SAMMSON: variants seen among roughly 807,000 people sequenced by gnomAD.
The protein encoded by SAMMSON is long intergenic non-protein coding RNA 1212.
chr3:70,118,998 C>T (rs2067422366), intron 4 of SAMMSON, among the ~76,000 whole-genome samples: 1 of 152,126 alleles, frequency 6.6e-6, no homozygotes, highest in Non-Finnish European at 1.5e-5. Context: ...TCTGTGCACT[C>T]TTTCCTAGAT....
intron 9 of SAMMSON, among the ~76,000 whole-genome samples, chr3:70,382,628 T>C (rs542948298): frequency 2.7e-5 from 4 of 146,230 alleles, no homozygotes; most frequent in African/African-American, 1.0e-4. Flanking sequence ...TTCAAGCAGA[T>C]AGCAATTCTG....
chr3:70,352,908 A>G (rs1575631959), intron 7 of SAMMSON, among the ~76,000 whole-genome samples: 1 of 152,102 alleles, frequency 6.6e-6, no homozygotes, highest in Non-Finnish European at 1.5e-5. Context: ...ACAGAATAGA[A>G]ACCAAAAATA....
chr3:70,387,060 GA>G (rs1019938684), intron 9 of SAMMSON, among the ~76,000 whole-genome samples: 3 of 151,564 alleles, frequency 2.0e-5, no homozygotes, highest in Non-Finnish European at 4.4e-5. Context: ...AGATTTTCTG[GA>G]AACAAGTAGG....
intron 4 of SAMMSON, among the ~76,000 whole-genome samples, chr3:70,129,786 T>C (rs7340571): frequency 6.4e-4 from 97 of 152,326 alleles, no homozygotes; most frequent in African/African-American, 2.2e-3. Context: ...AAATATGATA[T>C]GGACACTGTT....
chr3:70,126,185 T>C (rs77222740), intron 4 of SAMMSON: 1 of 1,140,832 alleles, frequency 8.8e-7, no homozygotes, highest in Non-Finnish European at 1.3e-6. Context: ...TGGTTTGGTG[T>C]AATTACATTT....
chr3:70,057,507 G>A (rs1479914954), intron 3 of SAMMSON, among the ~76,000 whole-genome samples: 2 of 151,964 alleles, frequency 1.3e-5, no homozygotes, highest in Non-Finnish European at 2.9e-5. Context: ...AACAGCATTA[G>A]AATCTTTTGA....
At chr3:70,264,897 G>A (rs545066439) in intron 6 of SAMMSON, among the ~76,000 whole-genome samples, 1 of 152,126 alleles carries the variant, frequency 6.6e-6, no homozygotes, top group Non-Finnish European at 1.5e-5. Context: ...CAGGAAAGAC[G>A]ATTAATTGAC....
chr3:70,247,972 A>T (rs143638094), intron 4 of SAMMSON, among the ~76,000 whole-genome samples: 5 of 152,126 alleles, frequency 3.3e-5, no homozygotes, highest in Admixed American at 3.3e-4. Context: ...GTAGAATTTA[A>T]TGCTACAATG....
At chr3:70,191,211 T>C (rs373269024) in intron 4 of SAMMSON, among the ~76,000 whole-genome samples, 1 of 152,326 alleles carries the variant, frequency 6.6e-6, no homozygotes, top group East Asian at 1.9e-4. Flanking sequence ...ACAAAATAAG[T>C]TGTGGCTTTG....
intron 2 of SAMMSON, among the ~76,000 whole-genome samples, chr3:70,407,855 T>C (rs962932491): frequency 6.6e-6 from 1 of 152,216 alleles, no homozygotes; most frequent in African/African-American, 2.4e-5. Context: ...ACCCCACATT[T>C]CCCTTCTGCA....
At chr3:70,291,909 C>T (rs1303740036) in intron 7 of SAMMSON, 2 of 152,196 alleles carry the variant, frequency 1.3e-5, no homozygotes, top group South Asian at 2.1e-4. Context: ...TTATCTTTCG[C>T]CTCTTACTTA....
chr3:70,343,843 A>G (rs1702730026), intron 7 of SAMMSON, among the ~76,000 whole-genome samples: 1 of 151,116 alleles, frequency 6.6e-6, no homozygotes, highest in Non-Finnish European at 1.5e-5. Flanking sequence ...ATATTTATGT[A>G]TTCATTTATT....
chr3:70,311,762 G>GA (rs1702455545), intron 7 of SAMMSON: 1 of 384,500 alleles, frequency 2.6e-6, no homozygotes, highest in Non-Finnish European at 4.6e-6. Flanking sequence ...AGAAAAGAGT[G>GA]AAAATCAGAA....
chr3:70,279,609 CA>C (rs1383347167), intron 6 of SAMMSON, among the ~76,000 whole-genome samples: 1 of 152,144 alleles, frequency 6.6e-6, no homozygotes. Context: ...GTTGAAGGCT[CA>C]GATTTGCGTT....
intron 1 of SAMMSON, among the ~76,000 whole-genome samples, chr3:70,012,147 A>G (rs2066959021): frequency 6.6e-6 from 1 of 152,062 alleles, no homozygotes; most frequent in Non-Finnish European, 1.5e-5. Flanking sequence ...TGAAGCTTGA[A>G]GTTATTTTCA....
At chr3:70,042,065 C>T (rs1296224325) in intron 3 of SAMMSON, among the ~76,000 whole-genome samples, 4 of 151,966 alleles carry the variant, frequency 2.6e-5, no homozygotes, top group Non-Finnish European at 5.9e-5. Flanking sequence ...GAACTTCATT[C>T]GACACTGAAA....
chr3:70,237,977 A>ATTTTTTTTT (rs1251005797), intron 4 of SAMMSON, among the ~76,000 whole-genome samples: 28 of 13,018 alleles, frequency 2.2e-3, no homozygotes, highest in African/African-American at 7.4e-3. Context: ...ATTGAGTGGT[A>ATTTTTTTTT]TCTTTTTTTT....
At chr3:70,189,594 A>G (rs957104501) in intron 4 of SAMMSON, among the ~76,000 whole-genome samples, 1 of 152,230 alleles carries the variant, frequency 6.6e-6, no homozygotes. Flanking sequence ...TATTGTAAAT[A>G]GCAAGAGGCA....
intron 4 of SAMMSON, chr3:70,140,501 A>G (rs1355241475): frequency 1.8e-5 from 3 of 165,610 alleles, no homozygotes; most frequent in African/African-American, 7.1e-5. Flanking sequence ...GTGCAGACAT[A>G]TTTACTTCAG....
Sources: gnomAD v4.1 joint callset for allele counts (sites outside exome capture counted in the v4.1 genomes callset) on GRCh38, gnomAD v4.1.1 for gene constraint, MANE v1.5 for transcripts, NCBI Gene and HGNC (gene_info 2026-07-23, HGNC 2026-07-21) for gene names.